AFDN: variants seen among roughly 807,000 people sequenced by gnomAD.
AFDN encodes afadin.
In AFDN, 68 loss-of-function variants were observed where a neutral mutation model predicts 216.6. That is an observed-to-expected ratio of 0.31 (90% CI 0.26 to 0.38). The LOEUF (loss-of-function observed/expected upper bound fraction) is 0.38. AFDN is among the 10% of genes least tolerant of loss of function. The pLI is 1.00. For synonymous variants in AFDN, 868 were observed against 853.7 expected, an observed-to-expected ratio of 1.02 and a Z score of -0.29; for missense variants, 2,136 against 2,342.0, an observed-to-expected ratio of 0.91 and a Z score of 1.82.
chr6:167,826,639 C>G (rs1031061455), upstream of AFDN: 9 of 495,900 alleles, frequency 1.8e-5, no homozygotes, highest in African/African-American at 1.6e-4. Context: ...TCCAGCAGCG[C>G]GCGTCCGAAC....
At position 167,827,471 on chromosome 6, in the gene AFDN, C is replaced by T. The variant is rs867942063; in HGVS notation, c.105+234C>T. Among the ~76,000 whole-genome samples, 314 of 145,486 alleles carry T rather than the reference C, an allele frequency of 2.2e-3. 2 individuals are homozygous for T. Among genetic ancestry groups the T allele is most frequent in the African/African-American group, 7.5e-3 (307 of 40,704 alleles). ...GTCGCGCGGGCCGAGCGGGGGCTGGCGGGGCGCGGCAGTCACCTGTTCCCC... is the reference window on the plus strand; with the variant it reads ...GTCGCGCGGGCCGAGCGGGGGCTGGTGGGGCGCGGCAGTCACCTGTTCCCC... On this transcript the variant is annotated intron_variant, in intron 1 of 33. Transcript: ENST00000683244.
At chr6:167,909,099 G>A (rs1317236423) in intron 13 of AFDN, among the ~76,000 whole-genome samples, 1 of 152,076 alleles carries the variant, frequency 6.6e-6, no homozygotes, top group South Asian at 2.1e-4. Context: ...TAACTGCCTA[G>A]CTACAATTTT....
Position 167,951,869 on chromosome 6 carries a change from T to G in AFDN, c.4515T>G (p.Ile1505Met). The G allele has an allele frequency of 6.2e-7, 1 of 1,613,944 alleles. No homozygotes were observed. Among genetic ancestry groups the G allele is most frequent in the Non-Finnish European group, 8.5e-7 (1 of 1,179,984 alleles). The change falls in exon 30 of 34, where the codon ATT becomes ATG. Residue 1505 changes from isoleucine to methionine, a missense_variant. By Grantham distance (10) the Ile-to-Met change is conservative. Transcript: ENST00000683244. This position sits in a 1 kb window ranked among gnomAD's most constrained non-coding sequence, Gnocchi z 7.1. ...TCGAGCGCAGAGACTTGCAGTACAT[T>G]ACAGTCAGCAAAGAGGAGCTTTCCT... ...RTIERRDLQYITVSKEELSSG... is the reference protein window; with the variant it reads ...RTIERRDLQYMTVSKEELSSG...
At chr6:167,894,221 C>T (rs986504161) in intron 9 of AFDN, among the ~76,000 whole-genome samples, 5 of 152,056 alleles carry the variant, frequency 3.3e-5, no homozygotes, top group Admixed American at 2.6e-4. Context: ...TCAAAGCACT[C>T]GTTGGGCGGT....
At chr6:167,885,566 A>C (rs1214514114) in intron 6 of AFDN, among the ~76,000 whole-genome samples, 2 of 152,246 alleles carry the variant, frequency 1.3e-5, no homozygotes, top group Non-Finnish European at 2.9e-5. Context: ...TTGCCATCTT[A>C]TATGGGTGCA....
rs554250552 is a variant in AFDN, at chr6:167,833,145, G to A, written c.105+5908G>A. On this transcript the variant is annotated intron_variant, in intron 1 of 33. Transcript: ENST00000683244. The stretch of plus-strand genomic sequence containing the variant: ...TTTCACAGAATATTCAGACTTTTTT[G>A]TGGGTGTTTTAAAAACCATCTTCCT... Among the ~76,000 whole-genome samples the A allele has an allele frequency of 3.9e-5, 6 of 152,266 alleles. No individual in the cohort carries two copies. The South Asian group carries it at 1.0e-3, about 26-fold the overall frequency.
intron 9 of AFDN, among the ~76,000 whole-genome samples, chr6:167,896,667 G>A (rs1166138709): frequency 6.6e-6 from 1 of 152,120 alleles, no homozygotes; most frequent in Non-Finnish European, 1.5e-5. Context: ...TTAGCACTTT[G>A]TGTTAATCAG....
At chr6:167,851,975 A>G (rs1782364107) in intron 1 of AFDN, among the ~76,000 whole-genome samples, 1 of 152,194 alleles carries the variant, frequency 6.6e-6, no homozygotes, top group African/African-American at 2.4e-5. Flanking sequence ...AAATTTTCAA[A>G]CACAAATGAA....
intron 23 of AFDN, among the ~76,000 whole-genome samples, chr6:167,936,774 C>T (rs1794063639): frequency 1.3e-5 from 2 of 152,142 alleles, no homozygotes. Flanking sequence ...CAGTCCTGCA[C>T]TGCCATAGCC....
At chr6:167,864,255 A>G (rs1168583944) in intron 1 of AFDN, 1 of 605,768 alleles carries the variant, frequency 1.7e-6, no homozygotes, top group Non-Finnish European at 3.2e-6. Context: ...ATTGAGTGTC[A>G]TGGTGTGCCT....
chr6:167,943,945 G>A lies in AFDN; in HGVS notation c.3244G>A (p.Ala1082Thr). The change falls in exon 26 of 34, where the codon GCA becomes ACA. Residue 1082 changes from alanine (A) to threonine (T), a missense_variant. Transcript: ENST00000683244. The part of the protein sequence containing the change: ...SLVGLSQERA[A>T]ELMTRTSSVV... ...TGTGTAATCTTCTTCTCCTAGGGCG[G>A]CAGAACTCATGACAAGAACAAGCTC... The A allele has an allele frequency of 6.2e-7, 1 of 1,613,942 alleles. No individual in the cohort carries two copies. Among genetic ancestry groups the A allele is most frequent in the Non-Finnish European group, 8.5e-7 (1 of 1,179,842 alleles).
chr6:167,970,264 C>G lies in AFDN; in HGVS notation c.*329C>G, dbSNP rs936469921. On this transcript the variant is annotated 3_prime_UTR_variant, in exon 34 of 34. Coordinates refer to ENST00000683244, the MANE Select transcript of AFDN (RefSeq NM_001386888.1). ...GGGCAGGAGAAGAGAATGGATGTGT[C>G]TTCTCTCCCATCTTCCCCTCATCAT... 8 of 295,644 alleles carry G rather than the reference C, an allele frequency of 2.7e-5. No individual in the cohort carries two copies. Among genetic ancestry groups the G allele is most frequent in the African/African-American group, 1.7e-4 (8 of 45,906 alleles). The allele number at this position is 295,644 out of a possible 1,614,324, so 18.3% of individuals were successfully genotyped here.
intron 4 of AFDN, among the ~76,000 whole-genome samples, chr6:167,872,861 G>A (rs1784934940): frequency 6.6e-6 from 1 of 152,090 alleles, no homozygotes; most frequent in Non-Finnish European, 1.5e-5. Flanking sequence ...TGTCACACCA[G>A]TTCCATTGTA....
rs376397455 is a variant in AFDN, at chr6:167,943,539, G to C, written c.3239+64G>C. 6.8e-6 allele frequency: 9 copies of C among 1,315,622 alleles called. No individual in the cohort carries two copies. The African/African-American group carries it at 8.7e-5, about 13-fold the overall frequency. The allele number at this position is 1,315,622 out of a possible 1,614,324, so 81.5% of individuals were successfully genotyped here. ...TTTTTAGGTGATTTTTGCATTAAAT[G>C]TTGAAATTGGAAGATAAAAACTATG... is the stretch of plus-strand genomic sequence containing the variant. On this transcript the variant is annotated intron_variant, in intron 25 of 33. Transcript: ENST00000683244.
At chr6:167,867,918 A>G (rs1784369386) in intron 2 of AFDN, among the ~76,000 whole-genome samples, 1 of 152,114 alleles carries the variant, frequency 6.6e-6, no homozygotes, top group South Asian at 2.1e-4. Context: ...TGCTCATTTA[A>G]AATTTAAATT....
chr6:167,961,552 T>TGAAGGAC (rs1797037899), intron 30 of AFDN, among the ~76,000 whole-genome samples: 1 of 152,222 alleles, frequency 6.6e-6, no homozygotes, highest in African/African-American at 2.4e-5. Context: ...CTTAGGTATT[T>TGAAGGAC]GAAGGACATC....
chr6:167,927,820 C>T (rs973413022), intron 23 of AFDN, among the ~76,000 whole-genome samples: 11 of 152,130 alleles, frequency 7.2e-5, no homozygotes, highest in African/African-American at 2.7e-4. Context: ...GACCAGAACT[C>T]AAACATTTGG....
chr6:167,891,878 C>G (rs886251675), intron 8 of AFDN, among the ~76,000 whole-genome samples: 2 of 151,974 alleles, frequency 1.3e-5, no homozygotes, highest in Non-Finnish European at 2.9e-5. Context: ...AAAGAAAGCC[C>G]GAGTAGTAAT....
chr6:167,956,306 A>G (rs114650537), intron 30 of AFDN, among the ~76,000 whole-genome samples: 1 of 151,900 alleles, frequency 6.6e-6, no homozygotes, highest in South Asian at 2.1e-4. Context: ...ACATCACAGG[A>G]TTTTCAGGTA....
Sources: gnomAD v4.1 joint callset for allele counts (sites outside exome capture counted in the v4.1 genomes callset) on GRCh38, gnomAD v4.1.1 for gene constraint, Gnocchi (gnomAD v3.1) non-coding constraint, MANE v1.5 for transcripts, NCBI Gene and HGNC (gene_info 2026-07-23, HGNC 2026-07-21) for gene names.